CCDC178: variants seen among roughly 807,000 people sequenced by gnomAD.
CCDC178 encodes coiled-coil domain-containing protein 178.
In CCDC178, 126 loss-of-function variants were observed where a neutral mutation model predicts 117.4. That is an observed-to-expected ratio of 1.07 (90% confidence interval 0.93 to 1.24). CCDC178 has a LOEUF of 1.24. CCDC178 is among the 50% of genes most tolerant of loss of function. CCDC178 has a pLI of 0.00. For synonymous variants in CCDC178, 283 were observed against 313.4 expected, an observed-to-expected ratio of 0.90 and a Z score of 1.02; for missense variants, 1,030 against 986.9, an observed-to-expected ratio of 1.04 and a Z score of -0.59.
chr18:33,139,221 CT>C (rs1295518824), intron 20 of CCDC178, among the ~76,000 whole-genome samples: 2 of 152,160 alleles, frequency 1.3e-5, no homozygotes, highest in Non-Finnish European at 2.9e-5. Flanking sequence ...AATTAAATCT[CT>C]TTTGCTTCCC....
chr18:33,343,342 T>C (rs775802909), intron 9 of CCDC178, among the ~76,000 whole-genome samples: 12 of 152,240 alleles, frequency 7.9e-5, no homozygotes, highest in Non-Finnish European at 1.5e-4. Flanking sequence ...ATTTGTAGGA[T>C]CATATACTAC....
chr18:33,138,154 T>C (rs956605781), intron 20 of CCDC178, among the ~76,000 whole-genome samples: 1 of 152,208 alleles, frequency 6.6e-6, no homozygotes, highest in African/African-American at 2.4e-5. Flanking sequence ...GAAGCCTTGG[T>C]GTATAAATGT....
intron 20 of CCDC178, among the ~76,000 whole-genome samples, chr18:33,095,015 C>A (rs1192911189): frequency 5.3e-5 from 8 of 151,922 alleles, no homozygotes; most frequent in Admixed American, 5.3e-4. Context: ...ACAACTTTGA[C>A]TTGTTTAACT....
At chr18:33,021,901 T>A (rs2056127512) in intron 21 of CCDC178, among the ~76,000 whole-genome samples, 1 of 152,214 alleles carries the variant, frequency 6.6e-6, no homozygotes, top group African/African-American at 2.4e-5. Flanking sequence ...TCTCTCTGTC[T>A]CATTCTCTTT....
At chr18:33,287,246 T>G (rs1340510224) in intron 12 of CCDC178, among the ~76,000 whole-genome samples, 2 of 152,254 alleles carry the variant, frequency 1.3e-5, no homozygotes, top group African/African-American at 4.8e-5. Context: ...AAGTTTCAAT[T>G]GCATACCAAA....
intron 21 of CCDC178, among the ~76,000 whole-genome samples, chr18:33,010,277 G>A (rs1332975449): frequency 6.6e-6 from 1 of 151,990 alleles, no homozygotes; most frequent in Non-Finnish European, 1.5e-5. Context: ...TTATTCTAAC[G>A]GTAGAATCCC....
intron 3 of CCDC178, among the ~76,000 whole-genome samples, chr18:33,399,197 TAA>T (rs58594519): frequency 9.6e-5 from 13 of 134,940 alleles, no homozygotes; most frequent in Non-Finnish European, 9.7e-5. Context: ...AAGACTGTCT[TAA>T]AAAAAAAAAA....
At chr18:33,328,003 T>G in intron 10 of CCDC178, 1 of 369,396 alleles carries the variant, frequency 2.7e-6, no homozygotes, top group Non-Finnish European at 5.2e-6. Flanking sequence ...GCTTTTAATT[T>G]TGACTAAGTC....
chr18:33,390,824 TTTACTC>T (rs1241844795), intron 4 of CCDC178, among the ~76,000 whole-genome samples: 2 of 151,760 alleles, frequency 1.3e-5, no homozygotes, highest in Admixed American at 6.6e-5. Context: ...AAAAAATTGT[TTTACTC>T]TAAAACCACT....
At chr18:32,988,998 G>T (rs1311532830) in intron 21 of CCDC178, among the ~76,000 whole-genome samples, 1 of 151,968 alleles carries the variant, frequency 6.6e-6, no homozygotes, top group Non-Finnish European at 1.5e-5. Flanking sequence ...GAAAACACTT[G>T]GCTCTGAAAG....
chr18:33,351,183 TA>T (rs869165643), intron 7 of CCDC178, among the ~76,000 whole-genome samples: 2 of 150,482 alleles, frequency 1.3e-5, no homozygotes, highest in African/African-American at 4.9e-5. Context: ...TGTGTGTGTG[TA>T]TAGTTTTTGT....
chr18:33,426,353 T>C (rs2064125118), intron 2 of CCDC178, among the ~76,000 whole-genome samples: 2 of 152,240 alleles, frequency 1.3e-5, no homozygotes, highest in Admixed American at 6.5e-5. Flanking sequence ...CAAAGATGAA[T>C]AGATGAATAA....
intron 20 of CCDC178, among the ~76,000 whole-genome samples, chr18:33,131,573 A>C (rs1292577847): frequency 6.6e-6 from 1 of 151,822 alleles, no homozygotes; most frequent in Non-Finnish European, 1.5e-5. Context: ...TAATAAAGGC[A>C]TGATTCTCTG....
At chr18:33,197,148 C>T (rs530074589) in intron 20 of CCDC178, among the ~76,000 whole-genome samples, 51 of 152,246 alleles carry the variant, frequency 3.3e-4, no homozygotes, top group Non-Finnish European at 6.9e-4. Flanking sequence ...CTGCCTCAAC[C>T]GCCTGAGTAG....
rs1369584784 is a variant in CCDC178 at position 33,031,444 on chromosome 18, CT to C, written c.2389-56764del. Among the ~76,000 whole-genome samples, 3 of 152,100 alleles carry C rather than the reference CT, an allele frequency of 2.0e-5. No individual in the cohort carries two copies. The East Asian group carries it at 5.8e-4, about 29-fold the overall frequency. On this transcript the variant is annotated intron_variant, in intron 21 of 22. Transcript: ENST00000383096. ...TATTTTCTTAGTGGTTGCTCCAGGG[CT>C]TACTGCATACATTTTAACCTCATAG...
At chr18:33,394,840 C>A (rs1444449506) in intron 4 of CCDC178, among the ~76,000 whole-genome samples, 6 of 148,284 alleles carry the variant, frequency 4.0e-5, no homozygotes, top group Admixed American at 3.4e-4. Flanking sequence ...TAATTCAATA[C>A]AAAATAATAG....
chr18:33,180,660 T>C (rs955886427), intron 20 of CCDC178, among the ~76,000 whole-genome samples: 4 of 152,028 alleles, frequency 2.6e-5, no homozygotes, highest in African/African-American at 4.8e-5. Flanking sequence ...ATATATCAAT[T>C]ATATAAGCTA....
At chr18:33,280,267 A>G (rs928482432) in intron 12 of CCDC178, among the ~76,000 whole-genome samples, 4 of 152,182 alleles carry the variant, frequency 2.6e-5, no homozygotes, top group African/African-American at 7.2e-5. Context: ...AGAAAAACAA[A>G]GAACCCCATC....
intron 19 of CCDC178, among the ~76,000 whole-genome samples, chr18:33,212,277 G>A (rs2144591345): frequency 6.6e-6 from 1 of 152,018 alleles, no homozygotes; most frequent in African/African-American, 2.4e-5. Flanking sequence ...GTATTCTCTT[G>A]GTTGCCTATC....
Sources: gnomAD v4.1 joint callset for allele counts (sites outside exome capture counted in the v4.1 genomes callset) on GRCh38, gnomAD v4.1.1 for gene constraint, MANE v1.5 for transcripts, NCBI Gene and HGNC (gene_info 2026-07-23, HGNC 2026-07-21) for gene names.